Variants in ARPP21 observed in about 807,000 individuals in gnomAD.
ARPP21 encodes the protein cAMP-regulated phosphoprotein 21.
A neutral mutation model predicts 113.2 loss-of-function variants in ARPP21; 69 were observed. The ratio of observed to expected loss-of-function variants is 0.61; its 90% CI spans 0.50 to 0.74. The LOEUF (loss-of-function observed/expected upper bound fraction) is 0.74. Ranked by LOEUF, ARPP21 falls within the 30% of genes least tolerant of loss-of-function variation. The pLI is 0.00. For missense variants in ARPP21, 1,070 were observed against 1,037.4 expected, an observed-to-expected ratio of 1.03 and a Z score of -0.43; for synonymous variants, 368 against 375.5, an observed-to-expected ratio of 0.98 and a Z score of 0.23.
intron 13 of ARPP21, among the ~76,000 whole-genome samples, chr3:35,720,527 T>C (rs1452957376): frequency 6.6e-6 from 1 of 152,234 alleles, no homozygotes; most frequent in Non-Finnish European, 1.5e-5. Context: ...GGCTTAAATA[T>C]GTCTCATTGT....
At chr3:35,725,532 A>G (rs988675326) in intron 14 of ARPP21, among the ~76,000 whole-genome samples, 1 of 152,176 alleles carries the variant, frequency 6.6e-6, no homozygotes, top group African/African-American at 2.4e-5. Context: ...CACAGCTAGT[A>G]AGTGGCAGAA....
At chr3:35,667,885 A>AGAGGAAGAGGAAGAGGAAGAG (rs1553645946) in intron 1 of ARPP21, among the ~76,000 whole-genome samples, 1 of 97,698 alleles carries the variant, frequency 1.0e-5, no homozygotes, top group East Asian at 2.7e-4. Flanking sequence ...AAGAAGAAGA[A>AGAGGAAGAGGAAGAGGAAGAG]GAAGAGGAAG....
intron 15 of ARPP21, among the ~76,000 whole-genome samples, chr3:35,734,429 A>C (rs2094204824): frequency 6.6e-6 from 1 of 152,226 alleles, no homozygotes; most frequent in Non-Finnish European, 1.5e-5. Flanking sequence ...ACGTGATAGG[A>C]AAACAAGTGC....
At chr3:35,668,233 ATAAAT>A (rs1361284917) in intron 1 of ARPP21, among the ~76,000 whole-genome samples, 3 of 152,170 alleles carry the variant, frequency 2.0e-5, no homozygotes, top group Non-Finnish European at 4.4e-5. Context: ...ATATTTTTTA[ATAAAT>A]TAAAATAAAA....
intron 1 of ARPP21, among the ~76,000 whole-genome samples, chr3:35,643,414 T>C (rs1698913865): frequency 6.6e-6 from 1 of 152,098 alleles, no homozygotes; most frequent in Non-Finnish European, 1.5e-5. Context: ...TTTGTCTTTT[T>C]GACTTAGTTC....
intron 13 of ARPP21, among the ~76,000 whole-genome samples, chr3:35,721,111 C>G (rs1281550157): frequency 1.3e-5 from 2 of 152,190 alleles, no homozygotes; most frequent in Non-Finnish European, 2.9e-5. Flanking sequence ...AAAGCTGGAA[C>G]ATGAATTAAC....
intron 1 of ARPP21, among the ~76,000 whole-genome samples, chr3:35,675,869 A>T (rs1273467142): frequency 6.6e-6 from 1 of 151,830 alleles, no homozygotes; most frequent in South Asian, 2.1e-4. Context: ...TGAGTCAAGT[A>T]CTAACCATGG....
intron 9 of ARPP21, among the ~76,000 whole-genome samples, chr3:35,703,225 G>C (rs899712462): frequency 6.6e-6 from 1 of 151,796 alleles, no homozygotes. Flanking sequence ...TTCAAGATAA[G>C]AAAGATTAAA....
chr3:35,733,957 G>T lies in ARPP21; in HGVS notation c.1460-3221G>T, dbSNP rs577969523. Among the ~76,000 whole-genome samples, 6 of 152,202 alleles carry T rather than the reference G, an allele frequency of 3.9e-5. No individual in the cohort carries two copies. In the South Asian group the frequency reaches 1.0e-3, roughly 26 times the overall value. ...ATCAAAAGACACATGAATATTTTGG[G>T]ATTATATTTTAAAATTCTAGTTATG... is the stretch of plus-strand genomic sequence containing the variant. On this transcript the variant is annotated intron_variant, in intron 15 of 20. Coordinates refer to ENST00000684406, the MANE Select transcript of ARPP21 (RefSeq NM_001385562.1).
At chr3:35,678,712 C>T (rs2078124271) in intron 1 of ARPP21, 1 of 151,860 alleles carries the variant, frequency 6.6e-6, no homozygotes, top group South Asian at 2.1e-4. Context: ...ATTAATATAG[C>T]CACAGTAAAA....
At chr3:35,692,112 C>G (rs1429957820) in intron 9 of ARPP21, among the ~76,000 whole-genome samples, 1 of 151,608 alleles carries the variant, frequency 6.6e-6, no homozygotes, top group Non-Finnish European at 1.5e-5. Context: ...GGACAATGAG[C>G]ACTCCACTTC....
Position 35,748,320 on chromosome 3 carries a change from AAAAG to A in ARPP21, c.2137+4371_2137+4374del, listed in dbSNP as rs764610275. On this transcript the variant is annotated intron_variant, in intron 19 of 20. Transcript: ENST00000684406. ...GAAGGAAGAAAGAAAGAAAGAAAGAAAAAGAAAGAAAGAAAGAAAAGAAAGGGAG... is the reference window on the plus strand; with the variant it reads ...GAAGGAAGAAAGAAAGAAAGAAAGAAAAAGAAAGAAAGAAAAGAAAGGGAG... Among the ~76,000 whole-genome samples, 48 of 148,850 alleles carry A rather than the reference AAAAG, an allele frequency of 3.2e-4. No homozygotes were observed. In the Middle Eastern group the frequency reaches 0.01, roughly 32 times the overall value.
intron 14 of ARPP21, among the ~76,000 whole-genome samples, chr3:35,727,400 T>C (rs2093616104): frequency 6.6e-6 from 1 of 152,236 alleles, no homozygotes; most frequent in African/African-American, 2.4e-5. Context: ...GTATTAGTCA[T>C]CATTTAAGTG....
At chr3:35,643,409 C>A (rs1698911167) in intron 1 of ARPP21, among the ~76,000 whole-genome samples, 1 of 151,922 alleles carries the variant, frequency 6.6e-6, no homozygotes, top group Admixed American at 6.6e-5. Flanking sequence ...GTTTGTTTGT[C>A]TTTTTGACTT....
chr3:35,663,367 G>A (rs1708692560), intron 1 of ARPP21, among the ~76,000 whole-genome samples: 1 of 152,114 alleles, frequency 6.6e-6, no homozygotes, highest in Admixed American at 6.5e-5. Context: ...CTCCCACCTG[G>A]ACTGAAGCCC....
Position 35,794,026 on chromosome 3 carries a change from G to A in ARPP21, c.*68G>A. 7.0e-7 allele frequency: 1 copy of A among 1,434,590 alleles called. No homozygotes were observed. The highest frequency in any genetic ancestry group is 9.6e-7 in the Non-Finnish European group (1 of 1,045,206). 88.9% of individuals were successfully genotyped at this position (1,434,590 alleles called of 1,614,324 possible). On this transcript the variant is annotated 3_prime_UTR_variant, in exon 21 of 21. Coordinates refer to ENST00000684406, the MANE Select transcript of ARPP21 (RefSeq NM_001385562.1). ...CTTTGATGGAAGAGGAACAAGGTGG[G>A]AAAACTGGCTGAGGACTTAAGTATT...
chr3:35,660,440 C>T (rs1707187348), intron 1 of ARPP21, among the ~76,000 whole-genome samples: 1 of 152,170 alleles, frequency 6.6e-6, no homozygotes, highest in Non-Finnish European at 1.5e-5. Flanking sequence ...CCCTTATCCG[C>T]ACATACACCA....
At chr3:35,665,234 G>T (rs1022725469) in intron 1 of ARPP21, among the ~76,000 whole-genome samples, 2 of 151,932 alleles carry the variant, frequency 1.3e-5, no homozygotes, top group Non-Finnish European at 2.9e-5. Flanking sequence ...TAGGCTTTAT[G>T]TGGCCTTTAT....
intron 19 of ARPP21, among the ~76,000 whole-genome samples, chr3:35,762,007 A>G (rs1375639735): frequency 6.6e-6 from 1 of 151,898 alleles, no homozygotes; most frequent in Admixed American, 6.6e-5. Flanking sequence ...TTTTTACAAC[A>G]TGTTTAAATA....
Sources: gnomAD v4.1 joint callset for allele counts (sites outside exome capture counted in the v4.1 genomes callset) on GRCh38, gnomAD v4.1.1 for gene constraint, MANE v1.5 for transcripts, NCBI Gene and HGNC (gene_info 2026-07-23, HGNC 2026-07-21) for gene names.